Variants in GON4L observed in about 807,000 individuals in gnomAD.
GON4L encodes GON-4-like protein.
GON4L carries 87 observed loss-of-function variants against 211.8 expected under a neutral mutation model. The ratio of observed to expected loss-of-function variants is 0.41; its 90% CI spans 0.35 to 0.49. The LOEUF (loss-of-function observed/expected upper bound fraction) is 0.49, where lower values mean the gene tolerates loss of function less well. GON4L is among the 20% of genes least tolerant of loss of function. GON4L has a pLI of 0.15. For synonymous variants in GON4L, 875 were observed against 962.6 expected, an observed-to-expected ratio of 0.91 and a Z score of 1.68; for missense variants, 2,155 against 2,659.5, an observed-to-expected ratio of 0.81 and a Z score of 4.17.
upstream of GON4L, among the ~76,000 whole-genome samples, chr1:155,858,947 G>A (rs1672483240): frequency 6.6e-6 from 1 of 151,906 alleles, no homozygotes; most frequent in South Asian, 2.1e-4. Context: ...TGCCCGCCTT[G>A]GCCTCCCAAA....
chr1:155,799,366 G>T (rs546497516), intron 11 of GON4L, among the ~76,000 whole-genome samples: 13 of 152,272 alleles, frequency 8.5e-5, no homozygotes, highest in African/African-American at 3.1e-4. Context: ...CCTGAGAGGT[G>T]GAGGTGGCAG....
At chr1:155,799,857 T>C (rs1345728476) in intron 11 of GON4L, among the ~76,000 whole-genome samples, 5 of 152,222 alleles carry the variant, frequency 3.3e-5, no homozygotes, top group African/African-American at 9.6e-5. Context: ...GAACCTGACT[T>C]TCTTACTGTA....
chr1:155,817,347 G>A (rs1368180241), intron 6 of GON4L, among the ~76,000 whole-genome samples: 1 of 152,166 alleles, frequency 6.6e-6, no homozygotes, highest in Admixed American at 6.6e-5. Flanking sequence ...CATTGAGGAT[G>A]TATAATTTCT....
chr1:155,745,783 G>A (rs775105083), downstream of GON4L: 5 of 717,316 alleles, frequency 7.0e-6, no homozygotes, highest in South Asian at 7.0e-5. Context: ...GCTAGGAGCA[G>A]CGAGCGGCGC....
intron 1 of GON4L, among the ~76,000 whole-genome samples, chr1:155,856,812 A>C (rs1431245048): frequency 6.7e-6 from 1 of 148,190 alleles, no homozygotes; most frequent in Non-Finnish European, 1.5e-5. Flanking sequence ...CAGCTACTTC[A>C]GCTCCAGGCA....
At chr1:155,796,949 A>C (rs1047602164) in intron 11 of GON4L, among the ~76,000 whole-genome samples, 2 of 152,210 alleles carry the variant, frequency 1.3e-5, no homozygotes, top group South Asian at 4.1e-4. Context: ...TAAGTGAAAG[A>C]AGCAAGTTGC....
Position 155,763,353 on chromosome 1 carries a change from G to A in GON4L, c.4685C>T (p.Pro1562Leu). 2 of 1,613,860 alleles carry A rather than the reference G, an allele frequency of 1.2e-6. No homozygotes were observed. The highest frequency in any genetic ancestry group is 1.7e-6 in the Non-Finnish European group (2 of 1,179,820). Reference protein sequence around the residue: ...SAEKPPTFASPETAPEVETSR... With the variant: ...SAEKPPTFASLETAPEVETSR... ...GGTCTCCACTTCTGGAGCAGTCTCAGGTGAAGCAAAAGTAGGAGGCTTCTC... is the reference window on the plus strand; with the variant it reads ...GGTCTCCACTTCTGGAGCAGTCTCAAGTGAAGCAAAAGTAGGAGGCTTCTC... Residue 1562 changes from proline (P) to leucine (L), a missense_variant, in exon 22 of 32, where the codon CCT becomes CTT. Coordinates refer to ENST00000368331, the MANE Select transcript of GON4L (RefSeq NM_001282860.2).
In GON4L at chr1:155,773,218, A is replaced by G. The variant is rs775160102; in HGVS notation, c.2351-8T>C. 1.9e-6 allele frequency: 3 copies of G among 1,614,024 alleles called. No individual in the cohort carries two copies. In the South Asian group the frequency reaches 3.3e-5, roughly 18 times the overall value. On this transcript the variant is annotated splice_region_variant and splice_polypyrimidine_tract_variant and intron_variant, in intron 17 of 31. Coordinates refer to ENST00000368331, the MANE Select transcript of GON4L (RefSeq NM_001282860.2). ...AACAGGGAAATTCATTCGCTATAAG[A>G]AAATAAATCTCGGATAAATCAACTT...
chr1:155,803,451 G>A (rs570515908), intron 11 of GON4L, among the ~76,000 whole-genome samples: 26 of 151,852 alleles, frequency 1.7e-4, no homozygotes, highest in Non-Finnish European at 3.2e-4. Context: ...CACCCTGTTG[G>A]CCAGGATGGT....
At chr1:155,748,775 G>A, downstream of GON4L, 1 of 1,613,564 alleles carries the variant, frequency 6.2e-7, no homozygotes, top group Non-Finnish European at 8.5e-7. Context: ...TATAGACAGA[G>A]CATGCCACAC....
Position 155,758,023 on chromosome 1 carries a change from C to G in GON4L, c.5121G>C (p.Gln1707His). 2.4e-6 allele frequency: 1 copy of G among 422,634 alleles called. No homozygotes were observed. The highest frequency in any genetic ancestry group is 4.1e-6 in the Non-Finnish European group (1 of 244,256). 26.2% of individuals were successfully genotyped at this position (422,634 alleles called of 1,614,324 possible). The change falls in exon 25 of 32, where the codon CAG becomes CAC. Residue 1707 changes from glutamine to histidine, a missense_variant. By Grantham distance (24) the Gln-to-His change is conservative. Around this residue, in one of 6 missense-constraint regions of GON4L, gnomAD observed 455 missense variants for 504.6 expected, o/e 0.90. Coordinates refer to ENST00000368331, the MANE Select transcript of GON4L (RefSeq NM_001282860.2). ...QALACGLFEE[Q>H]QAFEKSRKFL... Reference sequence around the variant, plus strand: ...ACTTGCGGCTCTTCTCAAAAGCCTGCTGCTCCTCAAACTACCAGAGTGGAA... The same window carrying G: ...ACTTGCGGCTCTTCTCAAAAGCCTGGTGCTCCTCAAACTACCAGAGTGGAA...
At chr1:155,768,393 G>A (rs921291025) in intron 19 of GON4L, among the ~76,000 whole-genome samples, 5 of 150,242 alleles carry the variant, frequency 3.3e-5, no homozygotes, top group African/African-American at 1.2e-4. Flanking sequence ...GGCAGATCAC[G>A]AGGTCAGGAG....
At chr1:155,786,550 A>G (rs1664962225) in intron 12 of GON4L, among the ~76,000 whole-genome samples, 1 of 151,940 alleles carries the variant, frequency 6.6e-6, no homozygotes, top group African/African-American at 2.4e-5. Flanking sequence ...AGAGAGAGAG[A>G]AAGACAAGTT....
intron 2 of GON4L, among the ~76,000 whole-genome samples, chr1:155,830,255 G>C (rs1669630016): frequency 6.6e-6 from 1 of 150,952 alleles, no homozygotes; most frequent in Non-Finnish European, 1.5e-5. Flanking sequence ...AGCCCTGCAG[G>C]GACAGTTTTA....
chr1:155,802,754 G>T lies in GON4L; in HGVS notation c.1645+2195C>A, dbSNP rs1219912823. ...GAGGATCGCTTGAGCGCAGGAGTTC[G>T]AGACCAGCCTGGGCAACATGGCAAA... is the stretch of plus-strand genomic sequence containing the variant. On this transcript the variant is annotated intron_variant, in intron 11 of 31. Transcript: ENST00000368331. Among the ~76,000 whole-genome samples the T allele has an allele frequency of 2.0e-5, 3 of 152,294 alleles. No homozygotes were observed. The South Asian group carries it at 6.2e-4, about 32-fold the overall frequency.
chr1:155,845,708 A>C lies in GON4L; in HGVS notation c.505+7568T>G, dbSNP rs763384440. 86 of 302,772 alleles carry C rather than the reference A, an allele frequency of 2.8e-4. No individual in the cohort carries two copies. The Middle Eastern group carries it at 5.0e-3, about 18-fold the overall frequency. 18.8% of individuals were successfully genotyped at this position (302,772 alleles called of 1,614,324 possible). A position where few individuals can be genotyped will look rare whatever the true frequency, so the allele number is the denominator to read the frequency against. ...CACTGCCTTCAATGAAATCATGAAA[A>C]GATACTGCCGTAACTCAGTATTGGT... On this transcript the variant is annotated intron_variant, in intron 2 of 31. Coordinates refer to ENST00000368331, the MANE Select transcript of GON4L (RefSeq NM_001282860.2).
At chr1:155,848,523 C>A (rs1317595764) in intron 2 of GON4L, among the ~76,000 whole-genome samples, 1 of 152,210 alleles carries the variant, frequency 6.6e-6, no homozygotes, top group African/African-American at 2.4e-5. Context: ...TTAGTACTTT[C>A]CCACACAAAC....
chr1:155,781,231 CT>C (rs1394469434), intron 14 of GON4L, among the ~76,000 whole-genome samples: 1 of 151,758 alleles, frequency 6.6e-6, no homozygotes, highest in African/African-American at 2.4e-5. Flanking sequence ...CAACCTCTGC[CT>C]CCCAGGTTCA....
intron 11 of GON4L, among the ~76,000 whole-genome samples, chr1:155,804,417 T>C (rs1666954885): frequency 6.6e-6 from 1 of 152,028 alleles, no homozygotes; most frequent in Admixed American, 6.6e-5. Flanking sequence ...CATGTGCATG[T>C]ATGTTTCAAG....
Sources: gnomAD v4.1 joint callset for allele counts (sites outside exome capture counted in the v4.1 genomes callset) on GRCh38, gnomAD v4.1.1 for gene constraint, gnomAD v4.1.1 regional missense constraint, MANE v1.5 for transcripts, NCBI Gene and HGNC (gene_info 2026-07-23, HGNC 2026-07-21) for gene names.